The following RAD52 variants were observed in gnomAD, a reference collection of about 807,000 sequenced individuals.
The protein encoded by RAD52 is DNA repair protein RAD52 homolog.
In RAD52, 47 loss-of-function variants were observed where a neutral mutation model predicts 55.5. That is an observed-to-expected ratio of 0.85 (90% CI 0.67 to 1.08). The LOEUF is 1.08. Among genes scored for constraint, RAD52 ranks in the 50% least tolerant of loss-of-function variants. The probability of loss-of-function intolerance (pLI) is 0.00; values close to 1 mark genes in which losing one functional copy is unlikely to be tolerated. For synonymous variants in RAD52, 184 were observed against 198.9 expected (o/e 0.92, Z 0.63); for missense variants, 468 against 522.8 (o/e 0.90, Z 1.02).
intron 7 of RAD52, among the ~76,000 whole-genome samples, chr12:923,441 C>T (rs12307653): frequency 0.12 from 17,512 of 151,804 alleles, 1,038 homozygotes; most frequent in South Asian, 0.17. Flanking sequence ...TCCCAGCCAC[C>T]TGAGAGGCTG....
intron 1 of RAD52, among the ~76,000 whole-genome samples, chr12:967,451 G>GT (rs1358802473): frequency 2.0e-5 from 3 of 151,394 alleles, no homozygotes; most frequent in Admixed American, 6.6e-5. Context: ...TACTGCCCAC[G>GT]TAACCATCAC....
intron 1 of RAD52, among the ~76,000 whole-genome samples, chr12:973,790 T>C (rs898055963): frequency 6.7e-6 from 1 of 148,488 alleles, no homozygotes; most frequent in Non-Finnish European, 1.5e-5. Flanking sequence ...TTCTTTTTTT[T>C]TTTTTTTTTT....
intron 7 of RAD52, among the ~76,000 whole-genome samples, chr12:918,387 GCTTT>G (rs905440738): frequency 2.5e-4 from 38 of 152,080 alleles, no homozygotes; most frequent in Middle Eastern, 3.4e-3. Context: ...CAAATTGGTG[GCTTT>G]CTTTGTTTTT....
chr12:970,127 C>T (rs59210414), intron 1 of RAD52, among the ~76,000 whole-genome samples: 77 of 151,640 alleles, frequency 5.1e-4, no homozygotes, highest in East Asian at 3.1e-3. Context: ...GTCCAACATG[C>T]GAAACCCTGT....
upstream of RAD52, among the ~76,000 whole-genome samples, chr12:953,282 C>T (rs1008611918): frequency 2.0e-5 from 3 of 151,212 alleles, no homozygotes; most frequent in African/African-American, 4.9e-5. Context: ...CCAGCCTGAG[C>T]GACAGAGTGA....
chr12:969,257 C>G (rs2154121134), intron 1 of RAD52, among the ~76,000 whole-genome samples: 1 of 152,050 alleles, frequency 6.6e-6, no homozygotes, highest in African/African-American at 2.4e-5. Context: ...TACTGAGGAA[C>G]AACTACATAT....
intron 5 of RAD52, 106 bp downstream of exon 5, chr12:929,713 A>G: frequency 9.2e-7 from 1 of 1,081,144 alleles, no homozygotes; most frequent in South Asian, 1.2e-5. Flanking sequence ...GCTGAGACAC[A>G]ACTCTGGAGC....
intron 1 of RAD52, among the ~76,000 whole-genome samples, chr12:973,153 T>C (rs1036802586): frequency 1.8e-4 from 27 of 152,064 alleles, no homozygotes; most frequent in Middle Eastern, 3.4e-3. Flanking sequence ...CACTGCAAGC[T>C]CCCCCTCCCG....
chr12:930,732 C>T (rs867838242), intron 3 of RAD52, among the ~76,000 whole-genome samples: 21 of 148,690 alleles, frequency 1.4e-4, no homozygotes, highest in Admixed American at 6.0e-4. Context: ...TTTGGGAGGC[C>T]GAGGTGGGAG....
At position 916,439 on chromosome 12, in the gene RAD52, C is replaced by T. The variant is rs542768905; in HGVS notation, c.770G>A (p.Arg257Gln). The part of the protein sequence containing the change: ...SAVESEATHQ[R>Q]KLRQKQLQQQ... ...CTGCAGCTGCTTCTGCCGGAGCTTCCGCTGGTGCGTGGCCTCGCTCTCCAC... is the reference window on the plus strand; with the variant it reads ...CTGCAGCTGCTTCTGCCGGAGCTTCTGCTGGTGCGTGGCCTCGCTCTCCAC... The change falls in exon 9 of 12, where the codon CGG becomes CAG. Residue 257 changes from arginine to glutamine, a missense_variant. By Grantham distance (43) the Arg-to-Gln change is conservative (BLOSUM62 1). Transcript: ENST00000358495. 2.5e-6 allele frequency: 4 copies of T among 1,607,556 alleles called. No individual in the cohort carries two copies. The highest frequency in any genetic ancestry group is 3.4e-6 in the Non-Finnish European group (4 of 1,179,236).
chr12:916,675 TGGCTGG>T lies in RAD52; in HGVS notation c.683_688del (p.Pro228_Ser229del), dbSNP rs779450189. 6 of 1,614,042 alleles carry T rather than the reference TGGCTGG, an allele frequency of 3.7e-6. No individual in the cohort carries two copies. In the South Asian group the frequency reaches 4.4e-5, roughly 12 times the overall value. ...GTCCTGGTCCGCCGGTATCACAGCA[TGGCTGG>T]GTCTGGAAGGGGAGGTCACCTGCTG... On this transcript the variant is annotated inframe_deletion, in exon 8 of 12. Transcript: ENST00000358495.
chr12:951,400 G>C (rs1475680049), upstream of RAD52, among the ~76,000 whole-genome samples: 2 of 152,192 alleles, frequency 1.3e-5, no homozygotes, highest in Non-Finnish European at 2.9e-5. Flanking sequence ...GTGTAAACCA[G>C]TGCACCTGGT....
At chr12:946,587 A>G (rs771660969) in intron 1 of RAD52, among the ~76,000 whole-genome samples, 1 of 152,262 alleles carries the variant, frequency 6.6e-6, no homozygotes, top group Non-Finnish European at 1.5e-5. Context: ...TCTCTATAAG[A>G]TATATCACAG....
upstream of RAD52, among the ~76,000 whole-genome samples, chr12:952,629 C>T (rs1180720504): frequency 6.6e-6 from 1 of 151,658 alleles, no homozygotes; most frequent in East Asian, 2.0e-4. Context: ...CGGTGCCTCA[C>T]ACCTCCCAAC....
chr12:938,955 G>A (rs958564306), intron 1 of RAD52, among the ~76,000 whole-genome samples: 1 of 151,746 alleles, frequency 6.6e-6, no homozygotes, highest in Admixed American at 6.6e-5. Flanking sequence ...TGATTCTGTA[G>A]GACAATGGCC....
rs1956233161 is a variant in RAD52, at chr12:914,125, C to T, written c.968-4G>A. ...TCAGAGTTGTCTTCAAGAGTCTCTA[C>T]AGAGGTCAAGGAAAAGTGCGTCATC... On this transcript the variant is annotated splice_polypyrimidine_tract_variant and splice_region_variant and intron_variant, in intron 10 of 11. Transcript: ENST00000358495. 1.2e-6 allele frequency: 2 copies of T among 1,612,090 alleles called. No individual in the cohort carries two copies. Among genetic ancestry groups the T allele is most frequent in the Non-Finnish European group, 1.7e-6 (2 of 1,178,212 alleles).
intron 1 of RAD52, among the ~76,000 whole-genome samples, chr12:972,765 C>CA (rs780150903): frequency 0.078 from 2,728 of 35,006 alleles, 119 homozygotes; most frequent in East Asian, 0.15. Flanking sequence ...GACTCCGTCT[C>CA]AAAAAAAAAA....
At chr12:929,282 T>C (rs1438385196) in intron 5 of RAD52, among the ~76,000 whole-genome samples, 1 of 152,226 alleles carries the variant, frequency 6.6e-6, no homozygotes, top group Non-Finnish European at 1.5e-5. Context: ...AAAAAGCTTG[T>C]TCATTGTATT....
rs2154108549 is a variant in RAD52 at position 916,398 on chromosome 12, G to C, written c.811C>G (p.Arg271Gly). The C allele has an allele frequency of 6.8e-6, 11 of 1,608,720 alleles. No individual in the cohort carries two copies. The highest frequency in any genetic ancestry group is 9.3e-6 in the Non-Finnish European group (11 of 1,179,616). Residue 271 changes from arginine to glycine, a missense_variant, in exon 9 of 12, where the codon CGG (arginine) becomes GGG (glycine). By Grantham distance (125) the Arg-to-Gly change is moderately radical (BLOSUM62 -2). Coordinates refer to ENST00000358495, the MANE Select transcript of RAD52 (RefSeq NM_134424.4). The stretch of plus-strand genomic sequence containing the variant: ...ACTCGAACCTGCTGCTTCTCCATCC[G>C]CTCCCGGAACTGCTGCTGCAGCTGC... ...QKQLQQQFRE[R>G]MEKQQVRVST...
Sources: gnomAD v4.1 joint callset for allele counts (sites outside exome capture counted in the v4.1 genomes callset) on GRCh38, gnomAD v4.1.1 for gene constraint, MANE v1.5 for transcripts, NCBI Gene and HGNC (gene_info 2026-07-23, HGNC 2026-07-21) for gene names.